Variants in ZCCHC17 observed in about 807,000 individuals in gnomAD.
The protein encoded by ZCCHC17 is zinc finger CCHC domain-containing protein 17.
A neutral mutation model predicts 30.6 loss-of-function variants in ZCCHC17; 18 were observed. The observed-to-expected ratio is 0.59, with a 90% confidence interval of 0.41 to 0.87. The LOEUF (loss-of-function observed/expected upper bound fraction) is 0.87, where lower values mean the gene tolerates loss of function less well. Among genes scored for constraint, ZCCHC17 ranks in the 40% least tolerant of loss-of-function variants. ZCCHC17 has a pLI of 0.00. For missense variants in ZCCHC17, 263 were observed against 284.2 expected (o/e 0.93, Z 0.54); for synonymous variants, 88 against 92.4 (o/e 0.95, Z 0.27).
intron 6 of ZCCHC17, 138 bp downstream of exon 6, chr1:31,346,878 GACTC>G: frequency 6.6e-7 from 1 of 1,507,864 alleles, no homozygotes; most frequent in East Asian, 2.5e-5. Flanking sequence ...TTTTCCACCA[GACTC>G]ACATCAGAGT....
At chr1:31,339,502 G>A (rs562818361) in intron 5 of ZCCHC17, among the ~76,000 whole-genome samples, 7 of 152,060 alleles carry the variant, frequency 4.6e-5, no homozygotes, top group Middle Eastern at 3.4e-3. Flanking sequence ...AGTGAGACTC[G>A]GTCTCAAAAA....
At chr1:31,313,705 G>A (rs1198260196) in intron 2 of ZCCHC17, among the ~76,000 whole-genome samples, 1 of 152,140 alleles carries the variant, frequency 6.6e-6, no homozygotes, top group Non-Finnish European at 1.5e-5. Context: ...AGGAAGTGTA[G>A]CACTGGAGGT....
chr1:31,319,604 G>A (rs1004761282), intron 3 of ZCCHC17, among the ~76,000 whole-genome samples: 8 of 152,042 alleles, frequency 5.3e-5, no homozygotes, highest in South Asian at 4.1e-4. Context: ...ATAAAGAGGC[G>A]TCTGTTGAAC....
At chr1:31,312,197 A>G (rs538113912) in intron 2 of ZCCHC17, among the ~76,000 whole-genome samples, 2 of 152,156 alleles carry the variant, frequency 1.3e-5, no homozygotes, top group Non-Finnish European at 2.9e-5. Flanking sequence ...TCTTGTATTC[A>G]TCCTTTAGGT....
chr1:31,329,703 T>C (rs6685728), intron 3 of ZCCHC17, among the ~76,000 whole-genome samples: 82,360 of 151,954 alleles, frequency 0.54, 23,197 homozygotes, highest in Non-Finnish European at 0.62. Flanking sequence ...AGTACAATAC[T>C]TGAGGTATAG....
chr1:31,347,378 C>A (rs3766295), intron 6 of ZCCHC17, among the ~76,000 whole-genome samples: 8,814 of 152,268 alleles, frequency 0.058, 499 homozygotes, highest in South Asian at 0.21. Context: ...AGTCTTCCGT[C>A]TACCCTACTG....
chr1:31,304,744 CGCTGCCACGCCTG>C (rs879430357), intron 1 of ZCCHC17, among the ~76,000 whole-genome samples: 10 of 151,874 alleles, frequency 6.6e-5, no homozygotes, highest in Non-Finnish European at 1.3e-4. Context: ...TACAGGTGCC[CGCTGCCACGCCTG>C]GCTAATTATT....
Position 31,330,200 on chromosome 1 carries a change from A to G in ZCCHC17, c.125-6975A>G, listed in dbSNP as rs780852362. 5.3e-5 allele frequency among the ~76,000 whole-genome samples: 8 copies of G among 152,138 alleles called. No homozygotes were observed. In the South Asian group the frequency reaches 6.2e-4, roughly 12 times the overall value. On this transcript the variant is annotated intron_variant, in intron 3 of 7. Transcript: ENST00000344147. Reference sequence around the variant, plus strand: ...AAGTTGTGGAAGAAATTAATGTTGAACCTAACGCAGTTGGGGTAACGGTTT... The same window carrying G: ...AAGTTGTGGAAGAAATTAATGTTGAGCCTAACGCAGTTGGGGTAACGGTTT...
rs532814800 is a variant in ZCCHC17, at chr1:31,356,849, G to C, written c.565-7183G>C. Reference sequence around the variant, plus strand: ...TGAATGTTATAAATAATTTTTGTTGGGCATAATTAGAATAAAAGGAAACTG... The same window carrying C: ...TGAATGTTATAAATAATTTTTGTTGCGCATAATTAGAATAAAAGGAAACTG... On this transcript the variant is annotated intron_variant, in intron 7 of 7. Coordinates refer to ENST00000344147, the MANE Select transcript of ZCCHC17 (RefSeq NM_016505.4). Among the ~76,000 whole-genome samples the C allele has an allele frequency of 6.6e-5, 10 of 152,230 alleles. No homozygotes were observed. The South Asian group carries it at 2.1e-3, about 32-fold the overall frequency.
chr1:31,349,862 A>G (rs1189350679), intron 7 of ZCCHC17, among the ~76,000 whole-genome samples: 2 of 152,114 alleles, frequency 1.3e-5, no homozygotes, highest in South Asian at 2.1e-4. Flanking sequence ...GATATTTTTT[A>G]TTACTTCCAA....
rs1638859672 is a variant in ZCCHC17, at chr1:31,337,278, AAAGT to A, written c.225+4_225+7del. 6.2e-7 allele frequency: 1 copy of A among 1,613,416 alleles called. No individual in the cohort carries two copies. ...GGGTGAAGCTTATTGGCCGAGAGGT[AAAGT>A]TCTGTGCGGCTCCCTTGTGGTTAGA... On this transcript the variant is annotated splice_donor_5th_base_variant and intron_variant, in intron 4 of 7. Transcript: ENST00000344147.
intron 7 of ZCCHC17, among the ~76,000 whole-genome samples, chr1:31,350,773 T>C (rs1639440889): frequency 6.6e-6 from 1 of 152,184 alleles, no homozygotes; most frequent in African/African-American, 2.4e-5. Context: ...CTAATTTTTG[T>C]ATTTTTTTAG....
chr1:31,346,570 A>T (rs1212881892), intron 5 of ZCCHC17, 70 bp from the exon 6 acceptor site: 1 of 1,476,664 alleles, frequency 6.8e-7, no homozygotes, highest in Non-Finnish European at 9.0e-7. Flanking sequence ...ACCAACATAC[A>T]ACCTTACCTT....
Position 31,319,244 on chromosome 1 carries a change from G to A in ZCCHC17, c.124+78G>A. On this transcript the variant is annotated intron_variant, in intron 3 of 7. Transcript: ENST00000344147. ...CTCCACCACCTCCTAATTATAGGCTGTACATTTTTCAGACAGTAGTTTTTC... is the reference window on the plus strand; with the variant it reads ...CTCCACCACCTCCTAATTATAGGCTATACATTTTTCAGACAGTAGTTTTTC... 4.9e-6 allele frequency: 6 copies of A among 1,233,152 alleles called. No homozygotes were observed. In the South Asian group the frequency reaches 5.6e-5, roughly 12 times the overall value. 76.4% of individuals were successfully genotyped at this position (1,233,152 alleles called of 1,614,324 possible).
At position 31,355,178 on chromosome 1, in the gene ZCCHC17, T is replaced by TA. The variant is rs59792081; in HGVS notation, c.564+6225dup. 6.2e-3 allele frequency among the ~76,000 whole-genome samples: 860 copies of TA among 137,738 alleles called. 11 individuals are homozygous for TA. Among genetic ancestry groups the TA allele is most frequent in the African/African-American group, 0.023 (766 of 33,966 alleles). 90.4% of individuals were successfully genotyped at this position (137,738 alleles called of 152,430 possible). On this transcript the variant is annotated intron_variant, in intron 7 of 7. Transcript: ENST00000344147. ...CGACAGAGTGAGACTCCATCTCAATTAAAAAAAAAAAAAAAAAAAAAGTAT... is the reference window on the plus strand; with the variant it reads ...CGACAGAGTGAGACTCCATCTCAATTAAAAAAAAAAAAAAAAAAAAAAGTAT...
At chr1:31,324,579 G>A (rs572718130) in intron 3 of ZCCHC17, among the ~76,000 whole-genome samples, 2 of 152,232 alleles carry the variant, frequency 1.3e-5, no homozygotes, top group African/African-American at 4.8e-5. Context: ...CAAGCTCCCG[G>A]CTCCTGCTCT....
At position 31,359,589 on chromosome 1, in the gene ZCCHC17, CTT is replaced by C. The variant is rs768689175; in HGVS notation, c.565-4438_565-4437del. Among the ~76,000 whole-genome samples the C allele has an allele frequency of 4.6e-5, 7 of 152,200 alleles. No homozygotes were observed. In the South Asian group the frequency reaches 1.5e-3, roughly 32 times the overall value. ...CAATAAATGTTCACTGCTATATTCT[CTT>C]TTTTCAGTTTTTGCTTTTATTTTTG... On this transcript the variant is annotated intron_variant, in intron 7 of 7. Transcript: ENST00000344147.
chr1:31,363,996 C>T, intron 7 of ZCCHC17, 36 bp from the exon 8 acceptor site: 1 of 1,606,208 alleles, frequency 6.2e-7, no homozygotes, highest in Non-Finnish European at 8.5e-7. Flanking sequence ...AGCAAATATA[C>T]ACATACAGTG....
chr1:31,362,377 C>T (rs1275097006), intron 7 of ZCCHC17, among the ~76,000 whole-genome samples: 1 of 152,184 alleles, frequency 6.6e-6, no homozygotes, highest in Non-Finnish European at 1.5e-5. Context: ...ATACTTTCTC[C>T]CTCTTCTTAG....
Sources: allele counts gnomAD v4.1 joint callset (sites outside exome capture counted in the v4.1 genomes callset), GRCh38; gene constraint gnomAD v4.1.1; transcripts MANE v1.5; gene names NCBI Gene and HGNC (gene_info 2026-07-23, HGNC 2026-07-21).